DLG2: variants seen among roughly 807,000 people sequenced by gnomAD.
The protein encoded by DLG2 is discs large MAGUK scaffold protein 2.
Under a neutral mutation model 132.5 loss-of-function variants are expected in DLG2, and 45 were observed. The observed-to-expected ratio is 0.34, with a 90% CI of 0.27 to 0.44. DLG2 has a LOEUF of 0.44. DLG2 is among the 20% of genes least tolerant of loss of function. The pLI is 1.00. For synonymous variants in DLG2, 424 were observed against 419.6 expected (o/e 1.01, Z -0.13); for missense variants, 1,045 against 1,196.9 (o/e 0.87, Z 1.87).
chr11:85,072,375 C>T (rs1029269118), intron 6 of DLG2, among the ~76,000 whole-genome samples: 7 of 151,830 alleles, frequency 4.6e-5, no homozygotes, highest in African/African-American at 1.7e-4. Context: ...ACTCTCCCCT[C>T]AAAGAGATTC....
intron 18 of DLG2, among the ~76,000 whole-genome samples, chr11:83,653,540 C>T (rs1477181014): frequency 6.6e-6 from 1 of 152,206 alleles, no homozygotes; most frequent in African/African-American, 2.4e-5. Context: ...TGATTTATAA[C>T]TGTCACTGTA....
At position 84,124,091 on chromosome 11, in the gene DLG2, C is replaced by T. The variant is rs181420487; in HGVS notation, c.625-25044G>A. On this transcript the variant is annotated intron_variant, in intron 9 of 27. Coordinates refer to ENST00000376104, the MANE Select transcript of DLG2 (RefSeq NM_001142699.3). ...AAACAAAAAACTTCAGTGAAGGATACTTTACTATGAACCTCAGGTGATAGA... is the reference window on the plus strand; with the variant it reads ...AAACAAAAAACTTCAGTGAAGGATATTTTACTATGAACCTCAGGTGATAGA... Among the ~76,000 whole-genome samples, 182 of 152,304 alleles carry T rather than the reference C, an allele frequency of 1.2e-3. 1 individual carries two copies. Among genetic ancestry groups the T allele is most frequent in the Non-Finnish European group, 1.9e-4 (13 of 68,024 alleles).
At chr11:85,510,752 G>A (rs1440200547) in intron 3 of DLG2, among the ~76,000 whole-genome samples, 2 of 151,332 alleles carry the variant, frequency 1.3e-5, no homozygotes, top group African/African-American at 4.9e-5. Flanking sequence ...GGAGAAATAG[G>A]AACACTTTTA....
At chr11:85,609,101 G>T (rs1591278245) in intron 2 of DLG2, among the ~76,000 whole-genome samples, 1 of 152,148 alleles carries the variant, frequency 6.6e-6, no homozygotes, top group East Asian at 1.9e-4. Flanking sequence ...GGACTAAGGA[G>T]AATTAGGAAA....
chr11:83,528,709 C>T (rs116781053), intron 21 of DLG2, among the ~76,000 whole-genome samples: 483 of 152,250 alleles, frequency 3.2e-3, no homozygotes, highest in African/African-American at 0.01. Context: ...TGATCTTAGG[C>T]AAGCTAGTTA....
intron 3 of DLG2, among the ~76,000 whole-genome samples, chr11:85,471,769 G>C (rs1182559649): frequency 6.6e-6 from 1 of 152,012 alleles, no homozygotes; most frequent in African/African-American, 2.4e-5. Context: ...CAATATGAGA[G>C]AAGCAATAAT....
intron 6 of DLG2, among the ~76,000 whole-genome samples, chr11:84,539,307 T>C (rs2099362547): frequency 6.6e-6 from 1 of 152,230 alleles, no homozygotes; most frequent in Admixed American, 6.5e-5. Context: ...CAAAGGTCTT[T>C]AGAGGACAAC....
intron 6 of DLG2, among the ~76,000 whole-genome samples, chr11:84,786,544 A>G (rs577410962): frequency 1.3e-5 from 2 of 152,176 alleles, no homozygotes; most frequent in Non-Finnish European, 2.9e-5. Context: ...TAGAGCACTG[A>G]GCTCCCTATT....
At chr11:83,615,068 C>G (rs1197495825) in intron 19 of DLG2, among the ~76,000 whole-genome samples, 1 of 152,164 alleles carries the variant, frequency 6.6e-6, no homozygotes, top group East Asian at 1.9e-4. Flanking sequence ...TTTACCTAAG[C>G]AGCACCTGGG....
At chr11:85,367,267 C>T (rs140834671) in intron 3 of DLG2, among the ~76,000 whole-genome samples, 1 of 152,240 alleles carries the variant, frequency 6.6e-6, no homozygotes, top group East Asian at 1.9e-4. Context: ...ATAGCAACTG[C>T]TCTGAAAGCA....
intron 7 of DLG2, among the ~76,000 whole-genome samples, chr11:84,275,194 A>G (rs2097772376): frequency 6.6e-6 from 1 of 152,158 alleles, no homozygotes; most frequent in Admixed American, 6.5e-5. Context: ...TTTAAAGAGC[A>G]TGTCCTAAAA....
chr11:84,164,466 T>G (rs192613683), intron 8 of DLG2, among the ~76,000 whole-genome samples: 8 of 152,314 alleles, frequency 5.3e-5, no homozygotes, highest in African/African-American at 1.7e-4. Flanking sequence ...GATTCTAACT[T>G]ACATTTACTT....
At chr11:83,768,295 T>G (rs1306728866) in intron 18 of DLG2, among the ~76,000 whole-genome samples, 1 of 152,264 alleles carries the variant, frequency 6.6e-6, no homozygotes, top group Non-Finnish European at 1.5e-5. Flanking sequence ...AAAGGTTGCA[T>G]GCAGTTTCCT....
At chr11:84,030,441 G>A (rs929227809) in intron 11 of DLG2, among the ~76,000 whole-genome samples, 9 of 152,088 alleles carry the variant, frequency 5.9e-5, no homozygotes, top group African/African-American at 1.9e-4. Flanking sequence ...TCTCAAACTT[G>A]TTTTGTCAGT....
rs534352276 is a variant in DLG2, at chr11:83,930,243, A to G, written c.1496+85T>C. On this transcript the variant is annotated intron_variant, in intron 15 of 27. Coordinates refer to ENST00000376104, the MANE Select transcript of DLG2 (RefSeq NM_001142699.3). ...TGGGGAAGATGTTTAGTGCAAGAGA[A>G]GTGAGCAGAGGCGGATTCTACCCAT... 1.7e-3 allele frequency: 2,553 copies of G among 1,464,778 alleles called. 5 individuals are homozygous for G. The highest frequency in any genetic ancestry group is 2.0e-3 in the Non-Finnish European group (2,164 of 1,062,326). 90.7% of individuals were successfully genotyped at this position (1,464,778 alleles called of 1,614,324 possible).
At chr11:85,479,756 G>A (rs1297884211) in intron 3 of DLG2, among the ~76,000 whole-genome samples, 2 of 152,174 alleles carry the variant, frequency 1.3e-5, no homozygotes, top group Non-Finnish European at 2.9e-5. Flanking sequence ...AGAAATCTGA[G>A]ATCAAGGTAT....
At chr11:85,504,029 A>G (rs1369316852) in intron 3 of DLG2, among the ~76,000 whole-genome samples, 1 of 152,158 alleles carries the variant, frequency 6.6e-6, no homozygotes, top group Non-Finnish European at 1.5e-5. Flanking sequence ...GTGTCTGTTC[A>G]TATACTTCGC....
intron 7 of DLG2, among the ~76,000 whole-genome samples, chr11:84,525,415 A>G (rs1245436119): frequency 6.6e-6 from 1 of 152,120 alleles, no homozygotes; most frequent in Non-Finnish European, 1.5e-5. Context: ...TAAAAATTGT[A>G]AATTATCTTC....
At chr11:84,784,366 A>AAATTAATTAATT (rs1391734254) in intron 6 of DLG2, among the ~76,000 whole-genome samples, 203 of 147,450 alleles carry the variant, frequency 1.4e-3, no homozygotes, top group South Asian at 9.8e-3. Flanking sequence ...ATAAATAAAT[A>AAATTAATTAATT]AATTAAACAA....
Sources: gnomAD v4.1 joint callset for allele counts (sites outside exome capture counted in the v4.1 genomes callset) on GRCh38, gnomAD v4.1.1 for gene constraint, MANE v1.5 for transcripts, NCBI Gene and HGNC (gene_info 2026-07-23, HGNC 2026-07-21) for gene names.